Variants in PIGV observed in about 807,000 individuals in gnomAD.
The protein encoded by PIGV is GPI alpha-1,6-mannosyltransferase 2.
PIGV carries 27 observed loss-of-function variants against 39.2 expected under a neutral mutation model. The observed-to-expected ratio is 0.69, with a 90% CI of 0.51 to 0.95. The LOEUF is 0.95. Among genes scored for constraint, PIGV ranks in the 40% least tolerant of loss-of-function variants. The pLI is 0.00. For missense variants in PIGV, 523 were observed against 586.4 expected (o/e 0.89, Z 1.12); for synonymous variants, 232 against 241.7 (o/e 0.96, Z 0.37).
chr1:26,792,294 C>T (rs1318693332), intron 2 of PIGV, among the ~76,000 whole-genome samples: 3 of 151,852 alleles, frequency 2.0e-5, no homozygotes, highest in Non-Finnish European at 4.4e-5. Context: ...CTGAGGCGCC[C>T]GCCACCACAC....
At position 26,794,163 on chromosome 1, in the gene PIGV, T is replaced by G. The variant is rs1409303009; in HGVS notation, c.129T>G (p.Pro43=). 1.9e-6 allele frequency: 3 copies of G among 1,614,130 alleles called. No homozygotes were observed. The highest frequency in any genetic ancestry group is 2.5e-6 in the Non-Finnish European group (3 of 1,180,052). ...ATCACCATGCAGAAGCCTTCTCTCCTCCTCGCCTGGCCCCCTCAGGCTTTG... is the reference window on the plus strand; with the variant it reads ...ATCACCATGCAGAAGCCTTCTCTCCGCCTCGCCTGGCCCCCTCAGGCTTTG... The part of the protein sequence containing the change: ...IPDHHAEAFS[P]PRLAPSGFVD... The change falls in exon 3 of 4, where the codon CCT becomes CCG. Residue 43 remains proline (P), a synonymous_variant. Coordinates refer to ENST00000674202, the MANE Select transcript of PIGV (RefSeq NM_017837.4).
chr1:26,794,642 G>A lies in PIGV; in HGVS notation c.608G>A (p.Arg203His), dbSNP rs1168553787. ...CTCTTTGCCTTTGCCACTGGGGTAC[G>A]CTCCAACGGGCTGGTCAGTGTTGGC... Reference protein sequence around the residue: ...VLLFAFATGVRSNGLVSVGFL... With the variant: ...VLLFAFATGVHSNGLVSVGFL... Residue 203 changes from arginine to histidine, a missense_variant, in exon 3 of 4, where the codon CGC becomes CAC. Coordinates refer to ENST00000674202, the MANE Select transcript of PIGV (RefSeq NM_017837.4). 4 of 1,614,068 alleles carry A rather than the reference G, an allele frequency of 2.5e-6. No homozygotes were observed. The highest frequency in any genetic ancestry group is 2.7e-5 in the African/African-American group (2 of 74,920).
At chr1:26,792,118 T>C (rs2081316926) in intron 2 of PIGV, among the ~76,000 whole-genome samples, 1 of 152,226 alleles carries the variant, frequency 6.6e-6, no homozygotes, top group South Asian at 2.1e-4. Context: ...ACATGGTCTC[T>C]TTTCTCTTAA....
At chr1:26,792,560 C>T (rs1219005090) in intron 2 of PIGV, among the ~76,000 whole-genome samples, 2 of 152,208 alleles carry the variant, frequency 1.3e-5, no homozygotes, top group African/African-American at 4.8e-5. Flanking sequence ...AACTCCTGAC[C>T]TCGTGATCTG....
chr1:26,791,780 C>CCTGTTTGTTTTTA (rs2081312721), intron 2 of PIGV, among the ~76,000 whole-genome samples: 1 of 152,136 alleles, frequency 6.6e-6, no homozygotes, highest in Non-Finnish European at 1.5e-5. Flanking sequence ...TCACTCCTAT[C>CCTGTTTGTTTTTA]CTGTTTGTTT....
chr1:26,797,726 T>C lies in PIGV; in HGVS notation c.1364T>C (p.Met455Thr), dbSNP rs749892627. 5 of 1,614,006 alleles carry C rather than the reference T, an allele frequency of 3.1e-6. No individual in the cohort carries two copies. The highest frequency in any genetic ancestry group is 4.2e-6 in the Non-Finnish European group (5 of 1,179,956). Reference protein sequence around the residue: ...PGQKVPRNPIMGLLYHWKTCS... With the variant: ...PGQKVPRNPITGLLYHWKTCS... ...CAAAAGGTCCCCAGAAATCCTATCATGGGACTTTTGTATCACTGGAAAACC... is the reference window on the plus strand; with the variant it reads ...CAAAAGGTCCCCAGAAATCCTATCACGGGACTTTTGTATCACTGGAAAACC... Residue 455 changes from methionine (M) to threonine (T), a missense_variant, in exon 4 of 4, where the codon ATG (methionine) becomes ACG (threonine). Physicochemically the swap from Met to Thr is moderately conservative, Grantham distance 81. Coordinates refer to ENST00000674202, the MANE Select transcript of PIGV (RefSeq NM_017837.4).
intron 2 of PIGV, among the ~76,000 whole-genome samples, chr1:26,791,406 C>G (rs982029162): frequency 6.6e-6 from 1 of 152,202 alleles, no homozygotes; most frequent in African/African-American, 2.4e-5. Context: ...CCACACACAA[C>G]TCTCAGTGCA....
intron 2 of PIGV, among the ~76,000 whole-genome samples, chr1:26,792,320 ATTT>A (rs34566875): frequency 1.5e-5 from 2 of 129,290 alleles, no homozygotes; most frequent in Non-Finnish European, 3.3e-5. Flanking sequence ...TAATTTTTGT[ATTT>A]TTTTTTTTTT....
chr1:26,797,526 A>T (rs1221879903), intron 3 of PIGV, 37 bp from the exon 4 acceptor site: 1 of 1,593,192 alleles, frequency 6.3e-7, no homozygotes, highest in Admixed American at 1.7e-5. Context: ...GTGACATTCC[A>T]GTAAATGTCT....
At chr1:26,795,709 C>CAAAAA (rs1005170504) in intron 3 of PIGV, among the ~76,000 whole-genome samples, 3 of 27,844 alleles carry the variant, frequency 1.1e-4, no homozygotes, top group Non-Finnish European at 1.3e-4. Flanking sequence ...GACTCTATCT[C>CAAAAA]AAAAAAAAAA....
intron 1 of PIGV, among the ~76,000 whole-genome samples, chr1:26,789,199 A>G (rs1416857123): frequency 6.6e-6 from 1 of 152,168 alleles, no homozygotes; most frequent in East Asian, 1.9e-4. Context: ...TACGTTGGAA[A>G]CGTTTAGATT....
chr1:26,791,604 T>C (rs2081310631), intron 2 of PIGV, among the ~76,000 whole-genome samples: 2 of 152,222 alleles, frequency 1.3e-5, no homozygotes, highest in Non-Finnish European at 2.9e-5. Flanking sequence ...CACATAATGA[T>C]GTGTACCTTT....
chr1:26,797,448 A>G, intron 3 of PIGV, 115 bp from the exon 4 acceptor site: 2 of 842,708 alleles, frequency 2.4e-6, no homozygotes, highest in South Asian at 2.7e-5. Context: ...AGTGTAATAC[A>G]TTTCTAGTCA....
chr1:26,797,408 A>G (rs1219404203), intron 3 of PIGV, among the ~76,000 whole-genome samples, 155 bp from the exon 4 acceptor site: 1 of 152,246 alleles, frequency 6.6e-6, no homozygotes, highest in Non-Finnish European at 1.5e-5. Flanking sequence ...TTTCTAAGAC[A>G]GATCCTAAGC....
intron 1 of PIGV, chr1:26,788,938 G>GCA (rs2081275722): frequency 6.6e-6 from 1 of 152,240 alleles, no homozygotes; most frequent in South Asian, 2.1e-4. Flanking sequence ...TTACCTGTAA[G>GCA]CAAAGTGTGG....
At chr1:26,795,333 A>G in intron 3 of PIGV, 99 bp downstream of exon 3, 11 of 1,359,572 alleles carry the variant, frequency 8.1e-6, no homozygotes, top group South Asian at 2.3e-5. Context: ...TGAGTGATCC[A>G]TACTGAATTT....
Position 26,797,957 on chromosome 1 carries a change from T to C in PIGV, c.*113T>C. The C allele has an allele frequency of 1.1e-6, 1 of 917,158 alleles. No homozygotes were observed. The highest frequency in any genetic ancestry group is 1.6e-5 in the African/African-American group (1 of 61,676). 56.8% of individuals were successfully genotyped at this position (917,158 alleles called of 1,614,324 possible). Reference sequence around the variant, plus strand: ...GGGATCATTACTGTGTCCATTATAATCTTTCTCTTTCTCTTTGAAAGCTGG... The same window carrying C: ...GGGATCATTACTGTGTCCATTATAACCTTTCTCTTTCTCTTTGAAAGCTGG... On this transcript the variant is annotated 3_prime_UTR_variant, in exon 4 of 4. Coordinates refer to ENST00000674202, the MANE Select transcript of PIGV (RefSeq NM_017837.4).
rs267606951 is a variant in PIGV, at chr1:26,795,188, A to C, written c.1154A>C (p.His385Pro). The change falls in exon 3 of 4, where the codon CAC becomes CCC. Residue 385 changes from histidine (H) to proline (P), a missense_variant. His to Pro is a moderately conservative substitution (Grantham distance 77). Transcript: ENST00000674202. ...CCTCAGGTGTTTGTGTACGTGGTCCACGCTGCAGTGCTGCTGCTGTTTGGA... is the reference window on the plus strand; with the variant it reads ...CCTCAGGTGTTTGTGTACGTGGTCCCCGCTGCAGTGCTGCTGCTGTTTGGA... Reference protein sequence around the residue: ...LSPQVFVYVVHAAVLLLFGGL... With the variant: ...LSPQVFVYVVPAAVLLLFGGL... The C allele has an allele frequency of 1.2e-6, 2 of 1,614,020 alleles. No homozygotes were observed. Among genetic ancestry groups the C allele is most frequent in the East Asian group, 2.2e-5 (1 of 44,884 alleles).
rs905720218 is a variant in PIGV at position 26,799,955 on chromosome 1, G to A, written c.*2111G>A. ...TCTTTATTGCCGAGGTAGGAGCACT[G>A]GGTTCTTCGCTCTCCTCTTTGCCTC... On this transcript the variant is annotated 3_prime_UTR_variant, in exon 4 of 4. Transcript: ENST00000674202. 1.3e-5 allele frequency among the ~76,000 whole-genome samples: 2 copies of A among 152,176 alleles called. No individual in the cohort carries two copies. Among genetic ancestry groups the A allele is most frequent in the Non-Finnish European group, 2.9e-5 (2 of 68,030 alleles).
Sources: gnomAD v4.1 joint callset for allele counts (sites outside exome capture counted in the v4.1 genomes callset) on GRCh38, gnomAD v4.1.1 for gene constraint, MANE v1.5 for transcripts, NCBI Gene and HGNC (gene_info 2026-07-23, HGNC 2026-07-21) for gene names.